IL1RAPL1: variants seen among roughly 807,000 people sequenced by gnomAD.
IL1RAPL1 encodes the protein interleukin-1 receptor accessory protein-like 1.
Under a neutral mutation model 48.4 loss-of-function variants are expected in IL1RAPL1, and 3 were observed. That is an observed-to-expected ratio of 0.06 (90% CI 0.03 to 0.16). IL1RAPL1 has a LOEUF of 0.16. Ranked by LOEUF, IL1RAPL1 falls within the 10% of genes least tolerant of loss-of-function variation. The pLI, the probability that IL1RAPL1 is intolerant of heterozygous loss-of-function variation, is 1.00. For missense variants in IL1RAPL1, 349 were observed against 530.6 expected (o/e 0.66, Z 3.36); for synonymous variants, 185 against 187.7 (o/e 0.99, Z 0.12).
chrX:28,785,271 G>A (rs750807012), intron 1 of IL1RAPL1, among the ~76,000 whole-genome samples: 1 of 111,563 alleles, frequency 9.0e-6, no homozygotes, highest in Non-Finnish European at 1.9e-5. Flanking sequence ...ACTACAGCAT[G>A]TGCTACCACA....
chrX:29,917,038 C>T (rs779275152), intron 6 of IL1RAPL1, among the ~76,000 whole-genome samples: 9 of 112,292 alleles, frequency 8.0e-5, no homozygotes, highest in Non-Finnish European at 1.7e-4. Flanking sequence ...CTATCTCCCA[C>T]ATTCGAGACT....
intron 8 of IL1RAPL1, among the ~76,000 whole-genome samples, chrX:29,926,435 T>C (rs1932892118): frequency 3.6e-5 from 4 of 112,190 alleles, no homozygotes; most frequent in Non-Finnish European, 7.5e-5. Flanking sequence ...TAATTATACA[T>C]GGTTATAGTC....
chrX:29,186,331 C>A (rs189826317), intron 2 of IL1RAPL1, among the ~76,000 whole-genome samples: 1 of 111,790 alleles, frequency 8.9e-6, no homozygotes, highest in Admixed American at 9.6e-5. Flanking sequence ...TGATACAATT[C>A]GTTTTGCTAT....
chrX:29,689,342 G>C (rs1003700274), intron 6 of IL1RAPL1, among the ~76,000 whole-genome samples: 1 of 111,504 alleles, frequency 9.0e-6, no homozygotes, highest in Non-Finnish European at 1.9e-5. Flanking sequence ...CTTATTTCAC[G>C]TTGTATGCCT....
chrX:29,792,006 C>A (rs1215282218), intron 6 of IL1RAPL1, among the ~76,000 whole-genome samples: 6 of 111,323 alleles, frequency 5.4e-5, no homozygotes, highest in Non-Finnish European at 9.4e-5. Context: ...GCTGAGATTA[C>A]AGGTGTGAGC....
At chrX:28,867,421 T>C (rs1020991425) in intron 2 of IL1RAPL1, among the ~76,000 whole-genome samples, 1 of 111,950 alleles carries the variant, frequency 8.9e-6, no homozygotes, top group Non-Finnish European at 1.9e-5. Flanking sequence ...GTTTGTTCTC[T>C]GATGACTTCA....
At chrX:28,857,483 A>T (rs756231573) in intron 2 of IL1RAPL1, among the ~76,000 whole-genome samples, 1 of 111,448 alleles carries the variant, frequency 9.0e-6, no homozygotes, top group Non-Finnish European at 1.9e-5. Flanking sequence ...GTCAGGTGCT[A>T]ATACAGCTGA....
intron 2 of IL1RAPL1, among the ~76,000 whole-genome samples, chrX:28,985,269 A>T (rs1316834670): frequency 8.9e-6 from 1 of 111,790 alleles, no homozygotes; most frequent in Non-Finnish European, 1.9e-5. Context: ...GAGCTTACAA[A>T]TGTTAAAGGA....
chrX:28,781,767 A>G (rs1019037634), intron 1 of IL1RAPL1, among the ~76,000 whole-genome samples: 2 of 111,196 alleles, frequency 1.8e-5, no homozygotes, highest in African/African-American at 6.5e-5. Flanking sequence ...AAGCAGGATG[A>G]TTGATTCCCA....
intron 2 of IL1RAPL1, among the ~76,000 whole-genome samples, chrX:29,133,509 T>A (rs1929064588): frequency 9.0e-6 from 1 of 111,459 alleles, no homozygotes; most frequent in East Asian, 2.8e-4. Flanking sequence ...TTTGGATTAA[T>A]GCAGTTTATT....
At chrX:29,733,014 C>CAAGG (rs780555576) in intron 6 of IL1RAPL1, among the ~76,000 whole-genome samples, 1 of 109,181 alleles carries the variant, frequency 9.2e-6, no homozygotes, top group Admixed American at 9.9e-5. Context: ...GCAAGGTGGC[C>CAAGG]AAGGAAGGAA....
chrX:28,805,875 A>G (rs1936725302), intron 2 of IL1RAPL1, among the ~76,000 whole-genome samples: 1 of 110,600 alleles, frequency 9.0e-6, no homozygotes, highest in Non-Finnish European at 1.9e-5. Flanking sequence ...ATATATATAT[A>G]TATCTTTTGT....
At chrX:29,713,359 A>C (rs1002507170) in intron 6 of IL1RAPL1, among the ~76,000 whole-genome samples, 2 of 111,787 alleles carry the variant, frequency 1.8e-5, no homozygotes, top group Non-Finnish European at 3.8e-5. Flanking sequence ...ACAAGACTTG[A>C]TTAAATTTTA....
intron 2 of IL1RAPL1, among the ~76,000 whole-genome samples, chrX:28,900,977 C>G (rs1048017174): frequency 8.9e-6 from 1 of 111,836 alleles, no homozygotes; most frequent in African/African-American, 3.2e-5. Flanking sequence ...GAATAAGTTG[C>G]TACAGTGCCA....
At chrX:29,054,074 T>C (rs1927158333) in intron 2 of IL1RAPL1, among the ~76,000 whole-genome samples, 1 of 111,404 alleles carries the variant, frequency 9.0e-6, no homozygotes, top group Non-Finnish European at 1.9e-5. Context: ...GACGCTAATG[T>C]TGTTTCCAAA....
At chrX:28,997,864 T>A (rs1925757866) in intron 2 of IL1RAPL1, among the ~76,000 whole-genome samples, 1 of 111,721 alleles carries the variant, frequency 9.0e-6, no homozygotes, top group Non-Finnish European at 1.9e-5. Flanking sequence ...TATTCACTTT[T>A]AAAGCCAGTT....
chrX:29,081,024 CT>C (rs1200022805), intron 2 of IL1RAPL1, among the ~76,000 whole-genome samples: 2,318 of 41,009 alleles, frequency 0.057, 92 homozygotes, highest in Non-Finnish European at 0.078. Context: ...CTCTCTCTTT[CT>C]TTTCTTTTCT....
chrX:29,297,324 T>G (rs1221182514), intron 3 of IL1RAPL1, among the ~76,000 whole-genome samples: 1 of 112,643 alleles, frequency 8.9e-6, no homozygotes, highest in Non-Finnish European at 1.9e-5. Context: ...TCCTGGACTT[T>G]TATGATAATT....
chrX:29,933,443 T>C (rs1932979533), intron 8 of IL1RAPL1, among the ~76,000 whole-genome samples: 1 of 111,366 alleles, frequency 9.0e-6, no homozygotes, highest in Non-Finnish European at 1.9e-5. Flanking sequence ...TAATTATACC[T>C]TATCAGTTGC....
Sources: allele counts gnomAD v4.1 joint callset (sites outside exome capture counted in the v4.1 genomes callset), GRCh38; gene constraint gnomAD v4.1.1; transcripts MANE v1.5; gene names NCBI Gene and HGNC (gene_info 2026-07-23, HGNC 2026-07-21).